The following SKAP2 variants were observed in gnomAD, a reference collection of about 807,000 sequenced individuals.
SKAP2 encodes the protein src kinase associated phosphoprotein 2.
In SKAP2, 28 loss-of-function variants were observed where a neutral mutation model predicts 54.9. The observed-to-expected ratio is 0.51, with a 90% CI of 0.38 to 0.70. SKAP2 has a LOEUF of 0.70. SKAP2 is among the 30% of genes least tolerant of loss of function. SKAP2 has a pLI of 0.00. For missense variants in SKAP2, 356 were observed against 424.1 expected, an observed-to-expected ratio of 0.84 and a Z score of 1.41; for synonymous variants, 137 against 134.3, an observed-to-expected ratio of 1.02 and a Z score of -0.14.
At chr7:26,756,033 A>G (rs1782783623) in intron 4 of SKAP2, among the ~76,000 whole-genome samples, 1 of 152,220 alleles carries the variant, frequency 6.6e-6, no homozygotes, top group Non-Finnish European at 1.5e-5. Context: ...CAAGAGGAAC[A>G]TTATGAAGCC....
intron 9 of SKAP2, among the ~76,000 whole-genome samples, chr7:26,717,502 C>T (rs1787473117): frequency 7.7e-5 from 4 of 52,184 alleles, no homozygotes; most frequent in Non-Finnish European, 7.6e-5. Context: ...AGAGCAAGAC[C>T]CCATCTCAAA....
In SKAP2 at chr7:26,670,083, G is replaced by A. The variant is rs904660856; in HGVS notation, c.*9+8C>T. On this transcript the variant is annotated splice_region_variant and intron_variant, in intron 12 of 12. Coordinates refer to ENST00000345317, the MANE Select transcript of SKAP2 (RefSeq NM_003930.5). Reference sequence around the variant, plus strand: ...CTATTACAGAATATTGGATTAAAATGTACTTACCCAGGACTCTCAAATATC... The same window carrying A: ...CTATTACAGAATATTGGATTAAAATATACTTACCCAGGACTCTCAAATATC... 5.4e-6 allele frequency: 6 copies of A among 1,110,624 alleles called. No homozygotes were observed. The highest frequency in any genetic ancestry group is 4.9e-5 in the South Asian group (4 of 80,846). The allele number at this position is 1,110,624 out of a possible 1,614,324, so 68.8% of individuals were successfully genotyped here.
At chr7:26,846,286 A>G (rs138053314) in intron 3 of SKAP2, among the ~76,000 whole-genome samples, 12 of 152,158 alleles carry the variant, frequency 7.9e-5, no homozygotes, top group Admixed American at 2.6e-4. Context: ...ACCAAATAAT[A>G]TATAGCAAAG....
intron 11 of SKAP2, among the ~76,000 whole-genome samples, chr7:26,672,832 T>C (rs1786271705): frequency 6.6e-6 from 1 of 151,998 alleles, no homozygotes. Context: ...ATTTGCAGCC[T>C]ATAAATTGGA....
At chr7:26,657,632 T>C in the SKAP2 span, among the ~76,000 whole-genome samples, 1 of 152,118 alleles carries the variant, frequency 6.6e-6, no homozygotes, top group African/African-American at 2.4e-5. Flanking sequence ...AGAGGATTTA[T>C]ATCGAGTTTT....
chr7:26,740,503 T>C (rs1048446288), intron 4 of SKAP2, among the ~76,000 whole-genome samples: 1 of 152,156 alleles, frequency 6.6e-6, no homozygotes, highest in Non-Finnish European at 1.5e-5. Context: ...TTTAGGTTTT[T>C]ATAGGGCATT....
chr7:26,775,992 T>C (rs1485363058), intron 4 of SKAP2, among the ~76,000 whole-genome samples: 1 of 152,146 alleles, frequency 6.6e-6, no homozygotes, highest in Non-Finnish European at 1.5e-5. Flanking sequence ...TCCACTACAA[T>C]TTGACTTCTG....
intron 9 of SKAP2, among the ~76,000 whole-genome samples, chr7:26,697,072 G>C (rs1786910109): frequency 6.6e-6 from 1 of 152,120 alleles, no homozygotes. Context: ...AAAAATCTTA[G>C]AAGGGAAAGA....
chr7:26,725,690 T>A, intron 8 of SKAP2, 125 bp from the exon 9 acceptor site: 1 of 1,016,002 alleles, frequency 9.8e-7, no homozygotes, highest in Non-Finnish European at 1.4e-6. Context: ...TGTCCTTAAC[T>A]AAAAACATGT....
chr7:26,745,267 C>T (rs557781709), intron 4 of SKAP2, among the ~76,000 whole-genome samples: 31 of 152,308 alleles, frequency 2.0e-4, no homozygotes, highest in African/African-American at 7.0e-4. Flanking sequence ...AATTTTCACT[C>T]TGAGTCAAGA....
intron 4 of SKAP2, among the ~76,000 whole-genome samples, chr7:26,760,094 A>G (rs1167487649): frequency 6.6e-6 from 1 of 152,228 alleles, no homozygotes; most frequent in Non-Finnish European, 1.5e-5. Context: ...ATTAGATAAA[A>G]TGACAGATCT....
chr7:26,812,108 A>G (rs552738442), intron 4 of SKAP2, among the ~76,000 whole-genome samples: 22 of 152,202 alleles, frequency 1.4e-4, no homozygotes, highest in Non-Finnish European at 2.8e-4. Context: ...CCGAAATTGC[A>G]AAGGGACAGC....
At chr7:26,839,081 G>T (rs1315999579) in intron 4 of SKAP2, among the ~76,000 whole-genome samples, 6 of 151,952 alleles carry the variant, frequency 3.9e-5, no homozygotes, top group Admixed American at 6.6e-5. Flanking sequence ...AGTCCACTTT[G>T]TTATAGTATC....
chr7:26,765,152 ACT>A (rs893040739), intron 4 of SKAP2, among the ~76,000 whole-genome samples: 2 of 75,862 alleles, frequency 2.6e-5, no homozygotes, highest in African/African-American at 8.9e-5. Flanking sequence ...TTGTTTCCTG[ACT>A]TTTTAATGAT....
intron 4 of SKAP2, 146 bp downstream of exon 4, chr7:26,843,884 G>C (rs1171514345): frequency 1.9e-6 from 1 of 522,148 alleles, no homozygotes; most frequent in East Asian, 2.9e-5. Context: ...AACCACTAGA[G>C]AGAGCTCTTC....
intron 11 of SKAP2, among the ~76,000 whole-genome samples, chr7:26,673,685 G>A (rs1486539640): frequency 6.6e-6 from 1 of 152,048 alleles, no homozygotes; most frequent in Non-Finnish European, 1.5e-5. Context: ...CCAGTAATCC[G>A]AGAAAATAAT....
chr7:26,786,445 G>T (rs1783546331), intron 4 of SKAP2, among the ~76,000 whole-genome samples: 1 of 152,174 alleles, frequency 6.6e-6, no homozygotes, highest in African/African-American at 2.4e-5. Flanking sequence ...AGAGCTTGGA[G>T]AACTATTTTA....
rs575211275 is a variant in SKAP2 at position 26,853,231 on chromosome 7, A to G, written c.199+906T>C. Reference sequence around the variant, plus strand: ...CCTTCTCACTTACCAGTTGGCACAAATATGATTTACTCTGGGATCTGCTAG... The same window carrying G: ...CCTTCTCACTTACCAGTTGGCACAAGTATGATTTACTCTGGGATCTGCTAG... On this transcript the variant is annotated intron_variant, in intron 3 of 12. Coordinates refer to ENST00000345317, the MANE Select transcript of SKAP2 (RefSeq NM_003930.5). 2.0e-5 allele frequency among the ~76,000 whole-genome samples: 3 copies of G among 152,264 alleles called. No homozygotes were observed. The East Asian group carries it at 5.8e-4, about 29-fold the overall frequency.
rs145979173 is a variant in SKAP2 at position 26,702,237 on chromosome 7, C to T, written c.797-11875G>A. Among the ~76,000 whole-genome samples, 90 of 152,234 alleles carry T rather than the reference C, an allele frequency of 5.9e-4. 1 individual carries two copies. The highest frequency in any genetic ancestry group is 1.0e-3 in the Non-Finnish European group (71 of 68,012). On this transcript the variant is annotated intron_variant, in intron 9 of 12. Coordinates refer to ENST00000345317, the MANE Select transcript of SKAP2 (RefSeq NM_003930.5). ...TGGCATGATCTCAGCACACTGAAACCTCTACCTCCCAGGCTCATGTGATCC... is the reference window on the plus strand; with the variant it reads ...TGGCATGATCTCAGCACACTGAAACTTCTACCTCCCAGGCTCATGTGATCC...
Sources: allele counts gnomAD v4.1 joint callset (sites outside exome capture counted in the v4.1 genomes callset), GRCh38; gene constraint gnomAD v4.1.1; transcripts MANE v1.5; gene names NCBI Gene and HGNC (gene_info 2026-07-23, HGNC 2026-07-21).